Variants in NPR3 observed in about 807,000 individuals in gnomAD.
NPR3 encodes the protein natriuretic peptide receptor 3.
In NPR3, 34 loss-of-function variants were observed where a neutral mutation model predicts 54.5. The observed-to-expected ratio is 0.62, with a 90% CI of 0.47 to 0.83. The LOEUF is 0.83. NPR3 is among the 40% of genes least tolerant of loss of function. NPR3 has a pLI of 0.00. For synonymous variants in NPR3, 289 were observed against 297.1 expected (o/e 0.97, Z 0.28); for missense variants, 674 against 720.8 (o/e 0.94, Z 0.74).
chr5:32,695,952 T>A (rs1740521480), intron 1 of NPR3, among the ~76,000 whole-genome samples: 2 of 152,178 alleles, frequency 1.3e-5, no homozygotes, highest in Non-Finnish European at 2.9e-5. Flanking sequence ...GTTTGAAAAT[T>A]TTTTCTCCCA....
At chr5:32,714,360 C>A (rs575122812) in intron 1 of NPR3, among the ~76,000 whole-genome samples, 1 of 152,100 alleles carries the variant, frequency 6.6e-6, no homozygotes, top group African/African-American at 2.4e-5. Context: ...ACAGTGGTGG[C>A]TGAGGCCTGG....
chr5:32,759,332 T>C (rs991796962), intron 3 of NPR3, among the ~76,000 whole-genome samples: 2 of 152,234 alleles, frequency 1.3e-5, no homozygotes, highest in Non-Finnish European at 2.9e-5. Context: ...CTCTTCTTGT[T>C]GAATTGATCC....
chr5:32,774,879 C>A, intron 4 of NPR3, 36 bp downstream of exon 4: 3 of 1,535,452 alleles, frequency 2.0e-6, no homozygotes, highest in Non-Finnish European at 2.7e-6. Flanking sequence ...TACATGGGGC[C>A]AAATGAGCTG....
At chr5:32,723,042 T>C (rs529130290) in intron 1 of NPR3, among the ~76,000 whole-genome samples, 1 of 152,308 alleles carries the variant, frequency 6.6e-6, no homozygotes, top group Admixed American at 6.5e-5. Context: ...GTAAACTAAA[T>C]ATCAACAAGA....
rs577432228 is a variant in NPR3 at position 32,791,346 on chromosome 5, A to G, written c.*5001A>G. 11 of 167,260 alleles carry G rather than the reference A, an allele frequency of 6.6e-5. No homozygotes were observed. 10.4% of individuals were successfully genotyped at this position (167,260 alleles called of 1,614,324 possible). On this transcript the variant is annotated 3_prime_UTR_variant, in exon 8 of 8. Transcript: ENST00000265074. ...CTGTGACCCCTGTCTTCTGGGTCAC[A>G]TTATTCATTGTTGATTTAAATACAG...
intron 2 of NPR3, among the ~76,000 whole-genome samples, chr5:32,727,181 C>T (rs965633018): frequency 3.3e-5 from 5 of 152,100 alleles, no homozygotes; most frequent in African/African-American, 1.2e-4. Context: ...GGCTGGAGTA[C>T]AGAGGCGTGA....
chr5:32,784,205 T>C (rs530917149), intron 6 of NPR3, among the ~76,000 whole-genome samples: 1 of 152,328 alleles, frequency 6.6e-6, no homozygotes, highest in South Asian at 2.1e-4. Context: ...TATTTATTTA[T>C]TTTGAGATAG....
chr5:32,737,440 T>G (rs563632685), intron 2 of NPR3, among the ~76,000 whole-genome samples: 9 of 152,330 alleles, frequency 5.9e-5, no homozygotes, highest in African/African-American at 2.2e-4. Flanking sequence ...GTTAAACTTC[T>G]TCAGGAAGAG....
intron 2 of NPR3, among the ~76,000 whole-genome samples, chr5:32,726,955 T>A (rs1019987135): frequency 6.6e-6 from 1 of 152,172 alleles, no homozygotes; most frequent in African/African-American, 2.4e-5. Flanking sequence ...CTTTTATAAG[T>A]CTTATTTCTC....
At chr5:32,735,612 G>A (rs1739694617) in intron 2 of NPR3, among the ~76,000 whole-genome samples, 2 of 152,066 alleles carry the variant, frequency 1.3e-5, no homozygotes, top group South Asian at 2.1e-4. Context: ...GGCTGTGAAC[G>A]CTTGGTGTCT....
intron 3 of NPR3, among the ~76,000 whole-genome samples, chr5:32,765,814 A>G (rs886434209): frequency 6.6e-6 from 1 of 152,196 alleles, no homozygotes. Context: ...AGGGAATCAA[A>G]CGGAATCTAT....
upstream of NPR3, chr5:32,710,401 G>A (rs1179567213): frequency 3.8e-6 from 1 of 264,012 alleles, no homozygotes; most frequent in Non-Finnish European, 7.1e-6. Flanking sequence ...AGCAAACAAA[G>A]CCCCGAGGAC....
At chr5:32,719,531 AACT>A (rs1738735087) in intron 1 of NPR3, among the ~76,000 whole-genome samples, 1 of 152,190 alleles carries the variant, frequency 6.6e-6, no homozygotes, top group African/African-American at 2.4e-5. Flanking sequence ...TTGGATTCTG[AACT>A]TATAGTTCAT....
At chr5:32,735,674 T>C (rs1739700798) in intron 2 of NPR3, among the ~76,000 whole-genome samples, 2 of 152,236 alleles carry the variant, frequency 1.3e-5, no homozygotes, top group Non-Finnish European at 2.9e-5. Context: ...ATCATATCAC[T>C]CTTCTGTTCT....
At chr5:32,692,520 A>G (rs1401495837) in intron 1 of NPR3, among the ~76,000 whole-genome samples, 4 of 152,226 alleles carry the variant, frequency 2.6e-5, no homozygotes, top group Non-Finnish European at 5.9e-5. Flanking sequence ...CACTAATGTG[A>G]GGGCAGAATT....
At chr5:32,784,388 C>T (rs1027520567) in intron 6 of NPR3, among the ~76,000 whole-genome samples, 4 of 152,158 alleles carry the variant, frequency 2.6e-5, no homozygotes, top group African/African-American at 9.7e-5. Flanking sequence ...AGGGTTTCAC[C>T]ATGTTGACCA....
chr5:32,737,569 A>G (rs538958911), intron 2 of NPR3, among the ~76,000 whole-genome samples: 1 of 152,272 alleles, frequency 6.6e-6, no homozygotes, highest in Admixed American at 6.5e-5. Context: ...TGACTTTGGC[A>G]CTGGACTCCA....
At chr5:32,773,879 G>A (rs1161255723) in intron 3 of NPR3, among the ~76,000 whole-genome samples, 2 of 152,198 alleles carry the variant, frequency 1.3e-5, no homozygotes, top group African/African-American at 4.8e-5. Flanking sequence ...GCAGGCACTA[G>A]TCTCATGGTC....
intron 3 of NPR3, among the ~76,000 whole-genome samples, chr5:32,753,650 T>TA (rs1554016942): frequency 2.9e-4 from 38 of 129,664 alleles, no homozygotes; most frequent in Admixed American, 9.7e-4. Flanking sequence ...TTTTTTTTTT[T>TA]AACTTGGTGA....
Sources: gnomAD v4.1 joint callset for allele counts (sites outside exome capture counted in the v4.1 genomes callset) on GRCh38, gnomAD v4.1.1 for gene constraint, MANE v1.5 for transcripts, NCBI Gene and HGNC (gene_info 2026-07-23, HGNC 2026-07-21) for gene names.